Variants in TMEM14B observed in about 807,000 individuals in gnomAD.
TMEM14B encodes the protein transmembrane protein 14B.
TMEM14B carries 9 observed loss-of-function variants against 14.8 expected under a neutral mutation model. The observed-to-expected ratio is 0.61, with a 90% CI of 0.37 to 1.06. The LOEUF (loss-of-function observed/expected upper bound fraction) is 1.06, where lower values mean the gene tolerates loss of function less well. Ranked by LOEUF, TMEM14B falls within the 50% of genes least tolerant of loss-of-function variation. The probability of loss-of-function intolerance (pLI) is 0.01; values close to 1 mark genes in which losing one functional copy is unlikely to be tolerated. For synonymous variants in TMEM14B, 40 were observed against 51.3 expected (o/e 0.78, Z 0.94); for missense variants, 128 against 143.6 (o/e 0.89, Z 0.56).
chr6:10,755,468 A>G (rs1248531847), intron 5 of TMEM14B: 24 of 1,426,814 alleles, frequency 1.7e-5, no homozygotes, highest in African/African-American at 5.7e-5. Flanking sequence ...GCTCCTTCCT[A>G]TATGGTGGCA....
At chr6:10,749,827 G>C (rs1483848161) in intron 3 of TMEM14B, 129 bp downstream of exon 3, 10 of 1,084,982 alleles carry the variant, frequency 9.2e-6, no homozygotes, top group African/African-American at 1.6e-5. Flanking sequence ...TGGAGTGCAG[G>C]CTTCCTTGTC....
chr6:10,755,016 C>A, intron 4 of TMEM14B, 126 bp from the exon 5 acceptor site: 1 of 1,018,958 alleles, frequency 9.8e-7, no homozygotes, highest in Non-Finnish European at 1.4e-6. Context: ...ATCTCCCCTA[C>A]TTGGGGAAGG....
chr6:10,758,105 T>C (rs1203350998), downstream of TMEM14B, among the ~76,000 whole-genome samples: 1 of 152,166 alleles, frequency 6.6e-6, no homozygotes, highest in African/African-American at 2.4e-5. Flanking sequence ...GTGGTCCTAG[T>C]TTTCCATCCT....
chr6:10,751,368 A>G, intron 4 of TMEM14B, 134 bp downstream of exon 4: 1 of 953,574 alleles, frequency 1.0e-6, no homozygotes, highest in Non-Finnish European at 1.6e-6. Flanking sequence ...TCCAAGTCCA[A>G]GTCCTCAAAG....
chr6:10,752,203 C>G (rs1771607529), intron 4 of TMEM14B, among the ~76,000 whole-genome samples: 1 of 151,956 alleles, frequency 6.6e-6, no homozygotes, highest in Non-Finnish European at 1.5e-5. Context: ...GACCTCACAC[C>G]TATTGTAGAG....
intron 4 of TMEM14B, among the ~76,000 whole-genome samples, chr6:10,754,884 G>A (rs1284099468): frequency 6.6e-6 from 1 of 152,250 alleles, no homozygotes; most frequent in East Asian, 1.9e-4. Flanking sequence ...TGGCTAAAGT[G>A]TGGGTTTTGC....
At chr6:10,753,829 T>C (rs1771691341) in intron 4 of TMEM14B, among the ~76,000 whole-genome samples, 1 of 151,076 alleles carries the variant, frequency 6.6e-6, no homozygotes, top group Non-Finnish European at 1.5e-5. Context: ...TGAGTTGTCC[T>C]CTTTTTCATC....
At chr6:10,756,313 C>T (rs551150749) in intron 5 of TMEM14B, among the ~76,000 whole-genome samples, 154 bp from the exon 6 acceptor site, 1 of 152,238 alleles carries the variant, frequency 6.6e-6, no homozygotes, top group South Asian at 2.1e-4. Flanking sequence ...TTCTCTGGTT[C>T]CCCCAGGGAT....
At position 10,749,233 on chromosome 6, in the gene TMEM14B, TGA is replaced by T; in HGVS notation, c.-10_-9del. On this transcript the variant is annotated 5_prime_UTR_variant, in exon 2 of 6. Coordinates refer to ENST00000379542, the MANE Select transcript of TMEM14B (RefSeq NM_030969.5). The stretch of plus-strand genomic sequence containing the variant: ...GCCTGGGGTAGTCTCCTTTCTGGAC[TGA>T]GAAGAGAAGAATGGAGAAGCCCCTC... 6.2e-7 allele frequency: 1 copy of T among 1,614,152 alleles called. No individual in the cohort carries two copies. Among genetic ancestry groups the T allele is most frequent in the Non-Finnish European group, 8.5e-7 (1 of 1,179,998 alleles).
rs1324346494 is a variant in TMEM14B, at chr6:10,756,850, G to A, written c.*332G>A. ...ACCCTGAAACCCCATTCCCTGCTCA[G>A]AGGAACAGTGTGAAAAAAAATCTCT... On this transcript the variant is annotated 3_prime_UTR_variant, in exon 6 of 6. Transcript: ENST00000379542. The A allele has an allele frequency of 5.0e-6, 5 of 1,001,434 alleles. No homozygotes were observed. The highest frequency in any genetic ancestry group is 5.9e-6 in the Non-Finnish European group (5 of 840,750). 62.0% of individuals were successfully genotyped at this position (1,001,434 alleles called of 1,614,324 possible).
chr6:10,749,795 G>T (rs1461975582), intron 3 of TMEM14B, 97 bp downstream of exon 3: 3 of 1,472,298 alleles, frequency 2.0e-6, no homozygotes, highest in South Asian at 1.1e-5. Flanking sequence ...GTTTGACTCA[G>T]CTTTGCTGTA....
intron 5 of TMEM14B, chr6:10,755,563 G>A: frequency 7.8e-7 from 1 of 1,285,564 alleles, no homozygotes. Context: ...TAGGTGTGTA[G>A]GTGTCTTTTG....
At position 10,756,489 on chromosome 6, in the gene TMEM14B, G is replaced by A; in HGVS notation, c.316G>A (p.Gly106Arg). The change falls in exon 6 of 6, where the codon GGA (glycine) becomes AGA (arginine). Residue 106 changes from glycine to arginine, a missense_variant. Transcript: ENST00000379542. ...GASLLMAAKV[G>R]VRMLMTSD ...CAGTTTGCTGATGGCCGCCAAAGTT[G>A]GAGTTCGTATGTTGATGACATCTGA... 6.2e-7 allele frequency: 1 copy of A among 1,613,948 alleles called. No homozygotes were observed. Among genetic ancestry groups the A allele is most frequent in the Non-Finnish European group, 8.5e-7 (1 of 1,179,956 alleles).
rs1190163756 is a variant in TMEM14B, at chr6:10,747,891, G to A, written c.-45+10G>A. ...CGCGGGCCTTCGGCAGGTCGGTGCA[G>A]GTCTTTGGAGAGTATTGTTTTTATT... is the stretch of plus-strand genomic sequence containing the variant. On this transcript the variant is annotated intron_variant, in intron 1 of 5. Transcript: ENST00000379542. The A allele has an allele frequency of 6.6e-6, 1 of 152,308 alleles. No individual in the cohort carries two copies. The highest frequency in any genetic ancestry group is 6.5e-5 in the Admixed American group (1 of 15,292). 9.4% of individuals were successfully genotyped at this position (152,308 alleles called of 1,614,324 possible).
chr6:10,748,683 C>G (rs924869857), intron 1 of TMEM14B, among the ~76,000 whole-genome samples: 1 of 152,110 alleles, frequency 6.6e-6, no homozygotes, highest in Non-Finnish European at 1.5e-5. Flanking sequence ...GTGATTCTGA[C>G]TTGAGTTTCC....
chr6:10,748,235 AAATT>A (rs1441245826), intron 1 of TMEM14B, among the ~76,000 whole-genome samples: 1 of 151,674 alleles, frequency 6.6e-6, no homozygotes, highest in Non-Finnish European at 1.5e-5. Context: ...GTTTTATGGG[AAATT>A]AATTCTTTCT....
chr6:10,756,361 C>T, intron 5 of TMEM14B, 106 bp from the exon 6 acceptor site: 4 of 1,341,822 alleles, frequency 3.0e-6, no homozygotes, highest in Non-Finnish European at 4.1e-6. Context: ...CTTAGTACCT[C>T]CTCCCCCACA....
At chr6:10,750,995 C>T in intron 3 of TMEM14B, 138 bp from the exon 4 acceptor site, 1 of 972,816 alleles carries the variant, frequency 1.0e-6, no homozygotes, top group Non-Finnish European at 1.5e-6. Flanking sequence ...TTAACGCCTT[C>T]CTGCTTGAGT....
intron 4 of TMEM14B, among the ~76,000 whole-genome samples, chr6:10,754,679 C>T (rs940320103): frequency 2.6e-5 from 4 of 152,240 alleles, no homozygotes; most frequent in Admixed American, 6.5e-5. Flanking sequence ...AGACCTGAAG[C>T]ATTGTAAAAG....
Sources: gnomAD v4.1 joint callset for allele counts (sites outside exome capture counted in the v4.1 genomes callset) on GRCh38, gnomAD v4.1.1 for gene constraint, MANE v1.5 for transcripts, NCBI Gene and HGNC (gene_info 2026-07-23, HGNC 2026-07-21) for gene names.